RANBP2: variants seen among roughly 807,000 people sequenced by gnomAD.
RANBP2 encodes E3 SUMO-protein ligase RanBP2.
RANBP2 carries 57 observed loss-of-function variants against 303.6 expected under a neutral mutation model. The ratio of observed to expected loss-of-function variants is 0.19; its 90% CI spans 0.15 to 0.23. The LOEUF (loss-of-function observed/expected upper bound fraction) is 0.23, where lower values mean the gene tolerates loss of function less well. Ranked by LOEUF, RANBP2 falls within the 10% of genes least tolerant of loss-of-function variation. The pLI is 1.00. For missense variants in RANBP2, 3,138 were observed against 3,780.8 expected (o/e 0.83, Z 4.46); for synonymous variants, 1,167 against 1,301.5 (o/e 0.90, Z 2.23).
At chr2:108,988,856 C>G in the RANBP2 span, 1 of 152,370 alleles carries the variant, frequency 6.6e-6, no homozygotes, top group East Asian at 1.9e-4. Flanking sequence ...CCAAAAATGA[C>G]ATGCATTTCA....
the RANBP2 span, among the ~76,000 whole-genome samples, chr2:109,241,375 C>A: frequency 6.6e-6 from 1 of 152,126 alleles, no homozygotes; most frequent in African/African-American, 2.4e-5. Flanking sequence ...GCTGTGGGAC[C>A]CTCTCCCCTT....
the RANBP2 span, among the ~76,000 whole-genome samples, chr2:109,597,779 T>C: frequency 6.6e-6 from 1 of 152,210 alleles, no homozygotes; most frequent in Non-Finnish European, 1.5e-5. Context: ...AGACGTGGGA[T>C]AGCTGGAGGA....
the RANBP2 span, among the ~76,000 whole-genome samples, chr2:109,560,664 C>T: frequency 1.3e-5 from 2 of 152,182 alleles, no homozygotes; most frequent in Non-Finnish European, 2.9e-5. Context: ...AACTCAAAGT[C>T]AACAGGTCCC....
At chr2:108,927,812 C>T in the RANBP2 span, among the ~76,000 whole-genome samples, 1 of 152,156 alleles carries the variant, frequency 6.6e-6, no homozygotes, top group Admixed American at 6.5e-5. Flanking sequence ...ACCTCCCCAC[C>T]AAGCACCCTC....
chr2:109,539,953 G>A, the RANBP2 span, among the ~76,000 whole-genome samples: 2 of 152,040 alleles, frequency 1.3e-5, no homozygotes, highest in African/African-American at 2.4e-5. Context: ...GGGTTGTTTC[G>A]GGTTTTGGCA....
chr2:109,527,784 A>G, the RANBP2 span, among the ~76,000 whole-genome samples: 1 of 152,220 alleles, frequency 6.6e-6, no homozygotes, highest in Admixed American at 6.5e-5. Context: ...CAGGTCGCCA[A>G]TCTTAGCAAG....
the RANBP2 span, among the ~76,000 whole-genome samples, chr2:109,428,969 G>T: frequency 6.6e-6 from 1 of 152,178 alleles, no homozygotes; most frequent in African/African-American, 2.4e-5. Context: ...ACTGAGTGCA[G>T]GGGACGCCAT....
the RANBP2 span, among the ~76,000 whole-genome samples, chr2:108,956,073 C>A: frequency 6.6e-6 from 1 of 152,058 alleles, no homozygotes; most frequent in Admixed American, 6.6e-5. Context: ...AAACACTGTT[C>A]GGGCTACTTG....
At chr2:109,339,897 G>C in the RANBP2 span, among the ~76,000 whole-genome samples, 1 of 152,176 alleles carries the variant, frequency 6.6e-6, no homozygotes, top group Non-Finnish European at 1.5e-5. Flanking sequence ...ATAATTATCA[G>C]GGCTCCACAG....
Position 108,737,162 on chromosome 2 carries a change from A to C in RANBP2, c.782+913A>C, listed in dbSNP as rs191088919. 1.8e-4 allele frequency among the ~76,000 whole-genome samples: 27 copies of C among 152,328 alleles called. No individual in the cohort carries two copies. The East Asian group carries it at 3.5e-3, about 20-fold the overall frequency. Reference sequence around the variant, plus strand: ...TAAAAGTACCTAAATTGGTAGGGTAAGAGCAGTATCTAAAAGAACTAACAT... The same window carrying C: ...TAAAAGTACCTAAATTGGTAGGGTACGAGCAGTATCTAAAAGAACTAACAT... On this transcript the variant is annotated intron_variant, in intron 6 of 28. Coordinates refer to ENST00000283195, the MANE Select transcript of RANBP2 (RefSeq NM_006267.5).
chr2:108,990,454 AAAAAT>A, the RANBP2 span, among the ~76,000 whole-genome samples: 11 of 150,914 alleles, frequency 7.3e-5, no homozygotes, highest in African/African-American at 2.7e-4. Context: ...AAAAAAAAAA[AAAAAT>A]ATACAAAAAT....
chr2:108,939,218 C>T, the RANBP2 span, among the ~76,000 whole-genome samples: 3 of 152,138 alleles, frequency 2.0e-5, no homozygotes, highest in Non-Finnish European at 4.4e-5. Flanking sequence ...TGCTCTGTCA[C>T]CCAGGCTACA....
At chr2:109,063,987 G>C in the RANBP2 span, among the ~76,000 whole-genome samples, 1 of 152,126 alleles carries the variant, frequency 6.6e-6, no homozygotes, top group Non-Finnish European at 1.5e-5. Context: ...CAGCCATCAT[G>C]TCCGTTTCAT....
In RANBP2 at chr2:108,740,102, G is replaced by C. The variant is rs377129887; in HGVS notation, c.783-387G>C. 3.1e-4 allele frequency among the ~76,000 whole-genome samples: 47 copies of C among 152,316 alleles called. No individual in the cohort carries two copies. The East Asian group carries it at 6.0e-3, about 19-fold the overall frequency. The stretch of plus-strand genomic sequence containing the variant: ...GTTATTTACTTATAATTTGGAAATG[G>C]TATGTCTAATTTGAGAAATTACAAC... On this transcript the variant is annotated intron_variant, in intron 6 of 28. Transcript: ENST00000283195.
chr2:108,906,283 C>G, the RANBP2 span: 9 of 1,603,218 alleles, frequency 5.6e-6, no homozygotes, highest in Non-Finnish European at 7.6e-6. Flanking sequence ...GGCACCACCT[C>G]TCCCAGGCTT....
At chr2:109,479,763 C>T in the RANBP2 span, among the ~76,000 whole-genome samples, 3 of 152,178 alleles carry the variant, frequency 2.0e-5, no homozygotes, top group African/African-American at 7.2e-5. Flanking sequence ...AGCCAATTAT[C>T]CACACTGCTC....
chr2:108,956,612 C>T, the RANBP2 span, among the ~76,000 whole-genome samples: 2 of 152,310 alleles, frequency 1.3e-5, no homozygotes, highest in South Asian at 2.1e-4. Flanking sequence ...AAATTTCCCT[C>T]ATAGATGCTT....
chr2:109,614,449 G>T, the RANBP2 span: 1 of 1,203,010 alleles, frequency 8.3e-7, no homozygotes, highest in Non-Finnish European at 1.0e-6. Flanking sequence ...CTATGGGACC[G>T]CGCTGAGCCG....
the RANBP2 span, among the ~76,000 whole-genome samples, chr2:109,673,824 A>G: frequency 6.6e-6 from 1 of 152,230 alleles, no homozygotes; most frequent in East Asian, 1.9e-4. Context: ...CCTGTTATCA[A>G]CAATGTATGA....
Sources: allele counts gnomAD v4.1 joint callset (sites outside exome capture counted in the v4.1 genomes callset), GRCh38; gene constraint gnomAD v4.1.1; transcripts MANE v1.5; gene names NCBI Gene and HGNC (gene_info 2026-07-23, HGNC 2026-07-21).